ATP2B1: variants seen among roughly 807,000 people sequenced by gnomAD.
ATP2B1 encodes plasma membrane calcium-transporting ATPase 1.
Under a neutral mutation model 124.2 loss-of-function variants are expected in ATP2B1, and 14 were observed. That is an observed-to-expected ratio of 0.11 (90% CI 0.07 to 0.18). The LOEUF is 0.18. Among genes scored for constraint, ATP2B1 ranks in the 10% least tolerant of loss-of-function variants. ATP2B1 has a pLI of 1.00. For missense variants in ATP2B1, 763 were observed against 1,466.1 expected (o/e 0.52, Z 7.83); for synonymous variants, 449 against 492.4 (o/e 0.91, Z 1.17).
At chr12:89,638,757 T>G (rs893675978) in intron 3 of ATP2B1, among the ~76,000 whole-genome samples, 1 of 152,200 alleles carries the variant, frequency 6.6e-6, no homozygotes, top group South Asian at 2.1e-4. Context: ...AGTTAGGATA[T>G]ACAGCAAAAT....
At chr12:89,604,046 A>G (rs1876377568) in intron 16 of ATP2B1, 109 bp downstream of exon 16, 16 of 1,400,270 alleles carry the variant, frequency 1.1e-5, no homozygotes, top group South Asian at 2.7e-5. Flanking sequence ...TATATTAACT[A>G]ACCTAAAATA....
At position 89,642,319 on chromosome 12, in the gene ATP2B1, T is replaced by C. The variant is rs1364918055; in HGVS notation, c.245A>G (p.Glu82Gly). 6.2e-7 allele frequency: 1 copy of C among 1,613,616 alleles called. No individual in the cohort carries two copies. Among genetic ancestry groups the C allele is most frequent in the South Asian group, 1.1e-5 (1 of 91,032 alleles). Reference protein sequence around the residue: ...SGNPADLERREAVFGKNFIPP... With the variant: ...SGNPADLERRGAVFGKNFIPP... Reference sequence around the variant, plus strand: ...TATAAAATTCTTTCCAAACACTGCTTCTCTTCTTTCTAAATCTGCAGGGTT... The same window carrying C: ...TATAAAATTCTTTCCAAACACTGCTCCTCTTCTTTCTAAATCTGCAGGGTT... Residue 82 changes from glutamate to glycine, a missense_variant, in exon 3 of 21, where the codon GAA (glutamate) becomes GGA (glycine). By Grantham distance (98) the Glu-to-Gly change is moderately conservative (BLOSUM62 -2). This residue lies in a region of ATP2B1 where 93 missense variants were observed against 112.7 expected (regional missense o/e 0.83). Coordinates refer to ENST00000428670, the MANE Select transcript of ATP2B1 (RefSeq NM_001366521.1).
chr12:89,707,037 A>G (rs1162255039), intron 1 of ATP2B1, among the ~76,000 whole-genome samples: 1 of 152,032 alleles, frequency 6.6e-6, no homozygotes. Context: ...AAATGTTTCT[A>G]TTTACTTCAA....
At chr12:89,677,943 G>T (rs1592950134) in intron 1 of ATP2B1, among the ~76,000 whole-genome samples, 2 of 105,810 alleles carry the variant, frequency 1.9e-5, no homozygotes, top group African/African-American at 3.7e-5. Context: ...GGGGTTGGGG[G>T]CATGCAGGAA....
intron 20 of ATP2B1, chr12:89,598,738 A>G (rs1476359688): frequency 6.2e-7 from 1 of 1,613,954 alleles, no homozygotes; most frequent in Admixed American, 1.7e-5. Context: ...CATTCACTAC[A>G]TCCATCTGCA....
Position 89,634,675 on chromosome 12 carries a change from G to A in ATP2B1, c.787+103C>T, listed in dbSNP as rs551707670. 1.2e-5 allele frequency: 15 copies of A among 1,256,006 alleles called. No individual in the cohort carries two copies. In the Admixed American group the frequency reaches 3.5e-4, roughly 29 times the overall value. 77.8% of individuals were successfully genotyped at this position (1,256,006 alleles called of 1,614,324 possible). A position where few individuals can be genotyped will look rare whatever the true frequency, so the allele number is the denominator to read the frequency against. On this transcript the variant is annotated intron_variant, in intron 5 of 20. Transcript: ENST00000428670. ...ACAGTAGAAGGTAGCATAAAATACA[G>A]ATTCCTCTTTATATTATTGACTCTT...
chr12:89,706,477 C>T (rs1009367370), intron 1 of ATP2B1, among the ~76,000 whole-genome samples: 16 of 151,892 alleles, frequency 1.1e-4, no homozygotes, highest in Non-Finnish European at 2.1e-4. Flanking sequence ...GCAGCTATTA[C>T]TTTCCTTCTT....
In ATP2B1 at chr12:89,588,365, G is replaced by A. The variant is rs908090388; in HGVS notation, c.*2619C>T. The stretch of plus-strand genomic sequence containing the variant: ...TAACTCATCTTCAAAGTGCAAGTAA[G>A]TCTATTTACAACCACAAAAAAGGCA... On this transcript the variant is annotated 3_prime_UTR_variant, in exon 21 of 21. Coordinates refer to ENST00000428670, the MANE Select transcript of ATP2B1 (RefSeq NM_001366521.1). 2 of 152,490 alleles carry A rather than the reference G, an allele frequency of 1.3e-5. No individual in the cohort carries two copies. The highest frequency in any genetic ancestry group is 2.9e-5 in the Non-Finnish European group (2 of 67,998). The allele number at this position is 152,490 out of a possible 1,614,324, so 9.4% of individuals were successfully genotyped here. A position where few individuals can be genotyped will look rare whatever the true frequency, so the allele number is the denominator to read the frequency against.
At position 89,667,452 on chromosome 12, in the gene ATP2B1, T is replaced by C. The variant is rs186586444; in HGVS notation, c.-221-11345A>G. 1.3e-3 allele frequency among the ~76,000 whole-genome samples: 197 copies of C among 152,360 alleles called. 1 individual carries two copies. Among genetic ancestry groups the C allele is most frequent in the African/African-American group, 4.5e-3 (189 of 41,584 alleles). On this transcript the variant is annotated intron_variant, in intron 1 of 20. Coordinates refer to ENST00000428670, the MANE Select transcript of ATP2B1 (RefSeq NM_001366521.1). ...CCTCTTGGCAACTCATACCATATTA[T>C]GGCCTACATCTACCACCTTAATCAA...
At chr12:89,677,956 A>ATATATATATATATG (rs1565904511) in intron 1 of ATP2B1, among the ~76,000 whole-genome samples, 1 of 32,478 alleles carries the variant, frequency 3.1e-5, no homozygotes, top group East Asian at 7.5e-4. Context: ...TGCAGGAATT[A>ATATATATATATATG]TATATATATA....
chr12:89,680,491 T>TC (rs1351249796), intron 1 of ATP2B1, among the ~76,000 whole-genome samples: 1 of 152,100 alleles, frequency 6.6e-6, no homozygotes, highest in African/African-American at 2.4e-5. Flanking sequence ...AGAACGGATT[T>TC]CGAGTAGAAA....
At position 89,604,196 on chromosome 12, in the gene ATP2B1, C is replaced by T; in HGVS notation, c.2593G>A (p.Val865Ile). 6.2e-7 allele frequency: 1 copy of T among 1,614,024 alleles called. No individual in the cohort carries two copies. The highest frequency in any genetic ancestry group is 8.5e-7 in the Non-Finnish European group (1 of 1,179,978). The change falls in exon 16 of 21, where the codon GTA (valine) becomes ATA (isoleucine). Residue 865 changes from valine to isoleucine, a missense_variant. Val to Ile is a conservative substitution (Grantham distance 29, BLOSUM62 3). Transcript: ENST00000428670. ...CCCGTAAAAGCAACAATCACTGCTA[C>T]TACATTAACAGTAAGTTGGAACTGA... ...FLQFQLTVNV[V>I]AVIVAFTGAC...
At position 89,627,069 on chromosome 12, in the gene ATP2B1, CTATA is replaced by C. The variant is rs1881000857; in HGVS notation, c.968-458_968-455del. On this transcript the variant is annotated intron_variant, in intron 7 of 20. Coordinates refer to ENST00000428670, the MANE Select transcript of ATP2B1 (RefSeq NM_001366521.1). ...GTTTCTTATGCATTTTTGCTACTAA[CTATA>C]TAATAACCAGCGTTCAAATACTTGA... 2.0e-5 allele frequency among the ~76,000 whole-genome samples: 3 copies of C among 152,180 alleles called. No individual in the cohort carries two copies. In the East Asian group the frequency reaches 5.8e-4, roughly 29 times the overall value.
At chr12:89,657,487 C>A (rs1408716283) in intron 1 of ATP2B1, among the ~76,000 whole-genome samples, 2 of 152,202 alleles carry the variant, frequency 1.3e-5, no homozygotes, top group African/African-American at 4.8e-5. Context: ...CTCAAGCAAT[C>A]TACCTGCACT....
chr12:89,654,399 T>C (rs1439538954), intron 2 of ATP2B1, among the ~76,000 whole-genome samples: 1 of 152,206 alleles, frequency 6.6e-6, no homozygotes, highest in East Asian at 1.9e-4. Flanking sequence ...TGGTGTAGCA[T>C]ATCTAAGGTA....
intron 3 of ATP2B1, 35 bp downstream of exon 3, chr12:89,642,123 C>T (rs757582494): frequency 3.3e-5 from 51 of 1,558,876 alleles, no homozygotes; most frequent in Non-Finnish European, 4.0e-5. Flanking sequence ...GCTGAACTAG[C>T]ATCAGACATG....
At chr12:89,632,966 G>A (rs1882109034) in intron 5 of ATP2B1, among the ~76,000 whole-genome samples, 1 of 152,166 alleles carries the variant, frequency 6.6e-6, no homozygotes, top group Non-Finnish European at 1.5e-5. Context: ...TAAGCACTAT[G>A]TAAATAAGTG....
chr12:89,641,006 T>A (rs1883418078), intron 3 of ATP2B1, among the ~76,000 whole-genome samples: 1 of 152,192 alleles, frequency 6.6e-6, no homozygotes, highest in Admixed American at 6.5e-5. Flanking sequence ...TACCCAACTT[T>A]TAGAGTTAGC....
At chr12:89,640,906 T>A (rs1057113954) in intron 3 of ATP2B1, among the ~76,000 whole-genome samples, 1 of 152,224 alleles carries the variant, frequency 6.6e-6, no homozygotes, top group Non-Finnish European at 1.5e-5. Flanking sequence ...GGCACCACGT[T>A]TCCTGTACAG....
Sources: allele counts gnomAD v4.1 joint callset (sites outside exome capture counted in the v4.1 genomes callset), GRCh38; gene constraint gnomAD v4.1.1; regional missense constraint gnomAD v4.1.1; transcripts MANE v1.5; gene names NCBI Gene and HGNC (gene_info 2026-07-23, HGNC 2026-07-21).